SPAG16: variants seen among roughly 807,000 people sequenced by gnomAD.
SPAG16 encodes sperm associated antigen 16.
SPAG16 carries 86 observed loss-of-function variants against 80.4 expected under a neutral mutation model. That is an observed-to-expected ratio of 1.07 (90% CI 0.90 to 1.28). The LOEUF (loss-of-function observed/expected upper bound fraction) is 1.28, where lower values mean the gene tolerates loss of function less well. SPAG16 is among the 50% of genes most tolerant of loss of function. SPAG16 has a pLI of 0.00. For synonymous variants in SPAG16, 294 were observed against 265.9 expected (o/e 1.11, Z -1.03); for missense variants, 870 against 765.3 (o/e 1.14, Z -1.61).
intron 10 of SPAG16, among the ~76,000 whole-genome samples, chr2:213,558,287 A>G (rs1340585120): frequency 6.6e-6 from 1 of 152,136 alleles, no homozygotes; most frequent in East Asian, 1.9e-4. Flanking sequence ...ATTATAATAT[A>G]TTTAAGCTTA....
At chr2:213,623,120 A>G (rs1364054021) in intron 10 of SPAG16, among the ~76,000 whole-genome samples, 1 of 152,188 alleles carries the variant, frequency 6.6e-6, no homozygotes, top group East Asian at 1.9e-4. Context: ...ATTGATGGGT[A>G]TAAGTCTGTC....
At chr2:213,500,027 C>T (rs912178405) in intron 10 of SPAG16, among the ~76,000 whole-genome samples, 3 of 152,130 alleles carry the variant, frequency 2.0e-5, no homozygotes, top group African/African-American at 7.2e-5. Context: ...TAAACTTGAG[C>T]TTGCTAAACT....
At chr2:214,300,951 C>A (rs375676740) in intron 15 of SPAG16, among the ~76,000 whole-genome samples, 138 of 150,846 alleles carry the variant, frequency 9.1e-4, no homozygotes, top group African/African-American at 2.8e-3. Flanking sequence ...AAGGACACAA[C>A]AACAACAAAA....
chr2:213,433,708 A>G (rs1256129861), intron 9 of SPAG16, among the ~76,000 whole-genome samples: 2 of 152,128 alleles, frequency 1.3e-5, no homozygotes, highest in Non-Finnish European at 2.9e-5. Context: ...AATTCCTATC[A>G]AAATACCAAT....
At chr2:213,367,631 GTTGT>G (rs1337626682) in intron 8 of SPAG16, among the ~76,000 whole-genome samples, 14 of 151,894 alleles carry the variant, frequency 9.2e-5, no homozygotes, top group Non-Finnish European at 1.3e-4. Flanking sequence ...TGTTGATGGG[GTTGT>G]TTGTTTTTTT....
intron 10 of SPAG16, among the ~76,000 whole-genome samples, chr2:213,492,810 C>T (rs2125740162): frequency 6.6e-6 from 1 of 151,606 alleles, no homozygotes; most frequent in South Asian, 2.1e-4. Context: ...AAAAATATAG[C>T]AGTAAAAGTA....
At chr2:214,173,843 C>T (rs918044471) in intron 15 of SPAG16, among the ~76,000 whole-genome samples, 24 of 151,968 alleles carry the variant, frequency 1.6e-4, no homozygotes, top group African/African-American at 4.3e-4. Flanking sequence ...ACTGGCAAGC[C>T]GAATCCAGCA....
At chr2:214,376,134 G>T (rs1347631577) in intron 15 of SPAG16, among the ~76,000 whole-genome samples, 1 of 151,850 alleles carries the variant, frequency 6.6e-6, no homozygotes, top group East Asian at 1.9e-4. Flanking sequence ...AATAATAAAA[G>T]GAAAATATGT....
chr2:214,241,503 G>T (rs1468410995), intron 15 of SPAG16: 1 of 151,898 alleles, frequency 6.6e-6, no homozygotes, highest in African/African-American at 2.4e-5. Flanking sequence ...CTTTTGTGTT[G>T]TCATAACCCT....
At chr2:213,583,302 G>A (rs544495252) in intron 10 of SPAG16, among the ~76,000 whole-genome samples, 4 of 152,148 alleles carry the variant, frequency 2.6e-5, no homozygotes, top group South Asian at 4.1e-4. Flanking sequence ...TATAAGTAAC[G>A]CTGGATCCAA....
intron 10 of SPAG16, among the ~76,000 whole-genome samples, chr2:213,764,744 G>A (rs1326135535): frequency 1.3e-5 from 2 of 152,036 alleles, no homozygotes; most frequent in African/African-American, 2.4e-5. Context: ...AAAAGATTAT[G>A]AAACTATAAA....
intron 15 of SPAG16, among the ~76,000 whole-genome samples, chr2:214,348,346 T>A (rs1351639502): frequency 6.6e-6 from 1 of 152,252 alleles, no homozygotes; most frequent in Non-Finnish European, 1.5e-5. Context: ...CGACCAGAGG[T>A]TGGGCTCTGA....
chr2:213,577,470 A>G lies in SPAG16; in HGVS notation c.1070+87380A>G, dbSNP rs974114056. 3.3e-5 allele frequency among the ~76,000 whole-genome samples: 5 copies of G among 152,190 alleles called. No individual in the cohort carries two copies. In the East Asian group the frequency reaches 7.7e-4, roughly 24 times the overall value. Reference sequence around the variant, plus strand: ...GATATTTTTCCAGTCCCGTTTCCTAATCCTCTTCCCTCCGTTTCCTGATAA... The same window carrying G: ...GATATTTTTCCAGTCCCGTTTCCTAGTCCTCTTCCCTCCGTTTCCTGATAA... On this transcript the variant is annotated intron_variant, in intron 10 of 15. Transcript: ENST00000331683.
intron 15 of SPAG16, among the ~76,000 whole-genome samples, chr2:214,184,546 G>A (rs1005251139): frequency 1.3e-5 from 2 of 152,162 alleles, no homozygotes; most frequent in East Asian, 3.9e-4. Context: ...ACTGTGGTAC[G>A]TTATGAGGCT....
At chr2:214,343,719 C>G (rs967529861) in intron 15 of SPAG16, among the ~76,000 whole-genome samples, 1 of 152,102 alleles carries the variant, frequency 6.6e-6, no homozygotes, top group African/African-American at 2.4e-5. Context: ...AGTCTAGTTT[C>G]TACCCAAGAA....
At chr2:213,811,713 G>T (rs530413692) in intron 10 of SPAG16, among the ~76,000 whole-genome samples, 1 of 152,246 alleles carries the variant, frequency 6.6e-6, no homozygotes, top group African/African-American at 2.4e-5. Flanking sequence ...CATTCAGTCA[G>T]GTTAGTGGTT....
chr2:213,578,729 G>A (rs1208920282), intron 10 of SPAG16, among the ~76,000 whole-genome samples: 1 of 151,984 alleles, frequency 6.6e-6, no homozygotes, highest in African/African-American at 2.4e-5. Context: ...TTAATATGGA[G>A]ACAGATGAAA....
intron 15 of SPAG16, among the ~76,000 whole-genome samples, chr2:214,154,766 A>AT (rs920116938): frequency 5.3e-5 from 8 of 152,068 alleles, no homozygotes; most frequent in African/African-American, 1.7e-4. Context: ...TGAGCCTCAG[A>AT]TTTTTTTTGT....
chr2:214,239,619 C>T (rs1689323784), intron 15 of SPAG16: 1 of 152,002 alleles, frequency 6.6e-6, no homozygotes, highest in Admixed American at 6.6e-5. Context: ...ATTTATTTAG[C>T]TATTTTCAGT....
Sources: allele counts gnomAD v4.1 joint callset (sites outside exome capture counted in the v4.1 genomes callset), GRCh38; gene constraint gnomAD v4.1.1; transcripts MANE v1.5; gene names NCBI Gene and HGNC (gene_info 2026-07-23, HGNC 2026-07-21).